Variants in EPHA1 observed in about 807,000 individuals in gnomAD.
EPHA1 encodes the protein EPH receptor A1.
EPHA1 carries 92 observed loss-of-function variants against 110.1 expected under a neutral mutation model. The ratio of observed to expected loss-of-function variants is 0.84; its 90% CI spans 0.71 to 0.99. The LOEUF (loss-of-function observed/expected upper bound fraction) is 0.99. Among genes scored for constraint, EPHA1 ranks in the 50% least tolerant of loss-of-function variants. EPHA1 has a pLI of 0.00. For synonymous variants in EPHA1, 500 were observed against 516.1 expected, an observed-to-expected ratio of 0.97 and a Z score of 0.42; for missense variants, 1,204 against 1,285.4, an observed-to-expected ratio of 0.94 and a Z score of 0.97.
chr7:143,400,919 G>T, intron 3 of EPHA1: 1 of 187,694 alleles, frequency 5.3e-6, no homozygotes. Flanking sequence ...TTAGAGACAG[G>T]ATCTTGCTCT....
intron 2 of EPHA1, among the ~76,000 whole-genome samples, chr7:143,403,962 A>G (rs1338920005): frequency 6.6e-6 from 1 of 152,172 alleles, no homozygotes; most frequent in East Asian, 1.9e-4. Flanking sequence ...TATGTTTCAA[A>G]TATTTTCTCC....
Position 143,399,304 on chromosome 7 carries a change from G to T in EPHA1, c.945C>A (p.Ser315Arg), listed in dbSNP as rs769788964. The change falls in exon 5 of 18, where the codon AGC becomes AGA. Residue 315 changes from serine to arginine, a missense_variant. By Grantham distance (110) the Ser-to-Arg change is moderately radical. Transcript: ENST00000275815. ...CCTCCCCGGGAGCTCTGTAATGGCCGCTCTCACAGGTACAGATGGTGGCCC... is the reference window on the plus strand; with the variant it reads ...CCTCCCCGGGAGCTCTGTAATGGCCTCTCTCACAGGTACAGATGGTGGCCC... Reference protein sequence around the residue: ...SEGATICTCESGHYRAPGEGP... With the variant: ...SEGATICTCERGHYRAPGEGP... The T allele has an allele frequency of 2.5e-6, 4 of 1,612,106 alleles. No individual in the cohort carries two copies. Among genetic ancestry groups the T allele is most frequent in the African/African-American group, 1.3e-5 (1 of 74,848 alleles).
At chr7:143,405,274 A>C (rs1292326727) in intron 2 of EPHA1, among the ~76,000 whole-genome samples, 1 of 152,154 alleles carries the variant, frequency 6.6e-6, no homozygotes, top group Non-Finnish European at 1.5e-5. Flanking sequence ...GGAGAAGCAG[A>C]TGTTCCCAGC....
chr7:143,393,945 A>C lies in EPHA1; in HGVS notation c.2503-81T>G. 6.9e-7 allele frequency: 1 copy of C among 1,446,812 alleles called. No homozygotes were observed. Among genetic ancestry groups the C allele is most frequent in the Non-Finnish European group, 9.3e-7 (1 of 1,077,428 alleles). 89.6% of individuals were successfully genotyped at this position (1,446,812 alleles called of 1,614,324 possible). A position where few individuals can be genotyped will look rare whatever the true frequency, so the allele number is the denominator to read the frequency against. ...GAGAAACCGACGGTCACACAAGATA[A>C]TTGCAGTGGAGATCCTAGGATGGGA... On this transcript the variant is annotated intron_variant, in intron 15 of 17. Transcript: ENST00000275815. The surrounding 1 kb of genome is among the most constrained non-coding windows in gnomAD (Gnocchi z 5.6).
chr7:143,398,253 C>A, intron 7 of EPHA1, 68 bp downstream of exon 7: 1 of 1,602,756 alleles, frequency 6.2e-7, no homozygotes, highest in Non-Finnish European at 8.5e-7. Context: ...AACCCACACC[C>A]CAGGCTAGGA....
Position 143,391,761 on chromosome 7 carries a change from A to G in EPHA1, c.2711T>C (p.Leu904Pro). ...CCCATCTGAGCCACTCAGGCTGGGC[A>G]GGCGAAGAGTCATCCTGTGGGACAT... is the stretch of plus-strand genomic sequence containing the variant. ...ANFDPRMTLR[L>P]PSLSGSDGIP... is the part of the protein sequence containing the mutation. The change falls in exon 17 of 18, where the codon CTG becomes CCG. Residue 904 changes from leucine (L) to proline (P), a missense_variant. Coordinates refer to ENST00000275815, the MANE Select transcript of EPHA1 (RefSeq NM_005232.5). 6.2e-7 allele frequency: 1 copy of G among 1,613,886 alleles called. No individual in the cohort carries two copies. The highest frequency in any genetic ancestry group is 8.5e-7 in the Non-Finnish European group (1 of 1,180,010).
At chr7:143,397,840 C>A in intron 8 of EPHA1, 80 bp downstream of exon 8, 1 of 1,582,166 alleles carries the variant, frequency 6.3e-7, no homozygotes, top group Non-Finnish European at 8.6e-7. Context: ...GAGGAAAAGT[C>A]ACTACGTGGA....
At chr7:143,400,199 T>G in intron 3 of EPHA1, 146 bp from the exon 4 acceptor site, 1 of 962,062 alleles carries the variant, frequency 1.0e-6, no homozygotes. Flanking sequence ...GCATTTTATG[T>G]GCATTATGCT....
In EPHA1 at chr7:143,398,725, C is replaced by G; in HGVS notation, c.1212G>C (p.Val404=). Residue 404 remains valine, a synonymous_variant, in exon 6 of 18, where the codon GTG becomes GTC. Transcript: ENST00000275815. The part of the protein sequence containing the change: ...PGARGLTTPA[V]HVNGLEPYAN... ...CATAAGGTTCAAGGCCATTGACATG[C>G]ACTGCAGGTGTGGTGAGCCCCCGGG... 2 of 1,614,136 alleles carry G rather than the reference C, an allele frequency of 1.2e-6. No homozygotes were observed. Among genetic ancestry groups the G allele is most frequent in the Non-Finnish European group, 1.7e-6 (2 of 1,180,004 alleles).
intron 10 of EPHA1, chr7:143,396,726 G>A (rs1191264362): frequency 5.5e-6 from 3 of 545,032 alleles, no homozygotes; most frequent in Non-Finnish European, 6.4e-6. Context: ...CACTCCACAA[G>A]GTCCGGGGCG....
rs1758168775 is a variant in EPHA1 at position 143,394,871 on chromosome 7, G to C, written c.2289C>G (p.Cys763Trp). The C allele has an allele frequency of 1.9e-6, 3 of 1,614,044 alleles. No homozygotes were observed. The African/African-American group carries it at 4.0e-5, about 22-fold the overall frequency. The stretch of plus-strand genomic sequence containing the variant: ...GAGTCAGGCCAAAGTCAGACACCTT[G>C]CAGCACAGGTTTTGATTCACCAAGA... ...RNILVNQNLC[C>W]KVSDFGLTRL... The change falls in exon 14 of 18, where the codon TGC becomes TGG. Residue 763 changes from cysteine (C) to tryptophan (W), a missense_variant. By Grantham distance (215) the Cys-to-Trp change is radical. Coordinates refer to ENST00000275815, the MANE Select transcript of EPHA1 (RefSeq NM_005232.5).
At chr7:143,397,278 GAC>G (rs1312243208) in intron 10 of EPHA1, 24 bp downstream of exon 10, 2 of 1,544,004 alleles carry the variant, frequency 1.3e-6, no homozygotes, top group South Asian at 2.4e-5. Flanking sequence ...CGCATGTGGG[GAC>G]ACACGCAGGT....
chr7:143,396,685 TCC>T (rs1805261125), intron 10 of EPHA1, 175 bp from the exon 11 acceptor site: 1 of 683,754 alleles, frequency 1.5e-6, no homozygotes, highest in South Asian at 1.9e-5. Flanking sequence ...GCCTTTCTTC[TCC>T]CTGTCTATGC....
At position 143,393,931 on chromosome 7, in the gene EPHA1, G is replaced by C. The variant is rs912992397; in HGVS notation, c.2503-67C>G. The C allele has an allele frequency of 6.8e-7, 1 of 1,479,406 alleles. No individual in the cohort carries two copies. The highest frequency in any genetic ancestry group is 9.1e-7 in the Non-Finnish European group (1 of 1,104,872). The allele number at this position is 1,479,406 out of a possible 1,614,324, so 91.6% of individuals were successfully genotyped here. A position where few individuals can be genotyped will look rare whatever the true frequency, so the allele number is the denominator to read the frequency against. ...ACCTGGAGGCCCATGAGAAACCGACGGTCACACAAGATAATTGCAGTGGAG... is the reference window on the plus strand; with the variant it reads ...ACCTGGAGGCCCATGAGAAACCGACCGTCACACAAGATAATTGCAGTGGAG... On this transcript the variant is annotated intron_variant, in intron 15 of 17. Transcript: ENST00000275815. This position sits in a 1 kb window ranked among gnomAD's most constrained non-coding sequence, Gnocchi z 5.6.
Position 143,398,737 on chromosome 7 carries a change from G to A in EPHA1, c.1200C>T (p.Thr400=), listed in dbSNP as rs1232226485. ...VHFSPGARGL[T]TPAVHVNGLE... ...GGCCATTGACATGCACTGCAGGTGTGGTGAGCCCCCGGGCCCCCGGCGAGA... is the reference window on the plus strand; with the variant it reads ...GGCCATTGACATGCACTGCAGGTGTAGTGAGCCCCCGGGCCCCCGGCGAGA... The change falls in exon 6 of 18, where the codon ACC becomes ACT. Residue 400 remains threonine, a synonymous_variant. Transcript: ENST00000275815. The A allele has an allele frequency of 1.9e-6, 3 of 1,614,046 alleles. No individual in the cohort carries two copies. Among genetic ancestry groups the A allele is most frequent in the Middle Eastern group, 1.6e-4 (1 of 6,062 alleles).
chr7:143,395,518 A>G lies in EPHA1; in HGVS notation c.1898-14T>C, dbSNP rs1015259115. The G allele has an allele frequency of 5.6e-6, 9 of 1,612,802 alleles. No individual in the cohort carries two copies. The highest frequency in any genetic ancestry group is 7.6e-6 in the Non-Finnish European group (9 of 1,179,348). ...CCCCAAACTCTCCTGGGTAGAAAGA[A>G]AACAGGCTGTGGCCCGATGCACTGC... On this transcript the variant is annotated splice_polypyrimidine_tract_variant and intron_variant, in intron 11 of 17. Coordinates refer to ENST00000275815, the MANE Select transcript of EPHA1 (RefSeq NM_005232.5). This position sits in a 1 kb window ranked among gnomAD's most constrained non-coding sequence, Gnocchi z 4.7.
chr7:143,394,987 G>A lies in EPHA1; in HGVS notation c.2173C>T (p.Gln725Ter). ...REREDQLVPG[Q>*]LVAMLQGIAS... ...ATGCCCTGCAGCATGGCCACTAGCT[G>A]CCCAGGGACCAGCTGGTCCTCCCGC... The change falls in exon 14 of 18, where the codon CAG (glutamine) becomes TAG (stop). Residue 725 changes from glutamine to a stop codon, truncating the protein, a stop_gained. Coordinates refer to ENST00000275815, the MANE Select transcript of EPHA1 (RefSeq NM_005232.5). LOFTEE classifies it high-confidence loss of function. 6.2e-7 allele frequency: 1 copy of A among 1,614,070 alleles called. No individual in the cohort carries two copies. Among genetic ancestry groups the A allele is most frequent in the South Asian group, 1.1e-5 (1 of 91,076 alleles).
At chr7:143,396,171 G>C (rs1805238524) in intron 11 of EPHA1, among the ~76,000 whole-genome samples, 1 of 152,242 alleles carries the variant, frequency 6.6e-6, no homozygotes, top group Non-Finnish European at 1.5e-5. Flanking sequence ...GTAGGAGACA[G>C]GGGTTGCTCC....
rs150426007 is a variant in EPHA1, at chr7:143,400,023, T to C, written c.463A>G (p.Thr155Ala). 7 of 1,611,258 alleles carry C rather than the reference T, an allele frequency of 4.3e-6. No homozygotes were observed. The highest frequency in any genetic ancestry group is 5.1e-6 in the Non-Finnish European group (6 of 1,178,154). Residue 155 changes from threonine (T) to alanine (A), a missense_variant, in exon 4 of 18, where the codon ACC becomes GCC. Transcript: ENST00000275815. ...VTTVAADQSF[T>A]IRDLVSGSVK... ...GAGCCAGACACAAGGTCTCGAATGG[T>C]GAAGCTCTGGTCTGCAGCCACCGTG... is the stretch of plus-strand genomic sequence containing the variant.
Sources: gnomAD v4.1 joint callset for allele counts (sites outside exome capture counted in the v4.1 genomes callset) on GRCh38, gnomAD v4.1.1 for gene constraint, Gnocchi (gnomAD v3.1) non-coding constraint, MANE v1.5 for transcripts, NCBI Gene and HGNC (gene_info 2026-07-23, HGNC 2026-07-21) for gene names.